Variants in GRIP1 observed in about 807,000 individuals in gnomAD.
GRIP1 encodes glutamate receptor interacting protein 1.
Under a neutral mutation model 129.9 loss-of-function variants are expected in GRIP1, and 45 were observed. The observed-to-expected ratio is 0.35, with a 90% CI of 0.27 to 0.44. The LOEUF is 0.44. Among genes scored for constraint, GRIP1 ranks in the 20% least tolerant of loss-of-function variants. The pLI is 1.00. For synonymous variants in GRIP1, 530 were observed against 520.8 expected, an observed-to-expected ratio of 1.02 and a Z score of -0.24; for missense variants, 1,196 against 1,396.8, an observed-to-expected ratio of 0.86 and a Z score of 2.29.
In GRIP1 at chr12:66,616,610, C is replaced by T. The variant is rs527395492; in HGVS notation, c.56-19683G>A. ...TTTTTTACCTCCATCCAGCTGCAAG[C>T]AAGCAGTGTGGGGAGAGGATGGTGG... On this transcript the variant is annotated intron_variant, in intron 1 of 24. Coordinates refer to ENST00000359742, the MANE Select transcript of GRIP1 (RefSeq NM_001366722.1). 6.8e-4 allele frequency among the ~76,000 whole-genome samples: 104 copies of T among 152,026 alleles called. 1 individual carries two copies. The highest frequency in any genetic ancestry group is 1.2e-3 in the South Asian group (6 of 4,808).
intron 1 of GRIP1, among the ~76,000 whole-genome samples, chr12:67,020,607 G>A (rs1305698129): frequency 6.6e-6 from 1 of 152,014 alleles, no homozygotes; most frequent in Non-Finnish European, 1.5e-5. Context: ...ATCTCTCTAA[G>A]TTGCCTAGGC....
At chr12:66,611,468 C>T (rs1166920864) in intron 1 of GRIP1, among the ~76,000 whole-genome samples, 1 of 152,120 alleles carries the variant, frequency 6.6e-6, no homozygotes, top group Non-Finnish European at 1.5e-5. Context: ...TTCCCATTGC[C>T]TTTACCTTTA....
At chr12:66,600,900 G>C (rs1387382399) in intron 1 of GRIP1, among the ~76,000 whole-genome samples, 3 of 152,138 alleles carry the variant, frequency 2.0e-5, no homozygotes, top group Non-Finnish European at 4.4e-5. Flanking sequence ...GGCATCTCAG[G>C]GTATCAGCAC....
intron 1 of GRIP1, among the ~76,000 whole-genome samples, chr12:66,766,229 A>G (rs1003635825): frequency 1.4e-4 from 21 of 152,204 alleles, no homozygotes; most frequent in African/African-American, 4.8e-4. Flanking sequence ...CTTGAATTTC[A>G]TATATCGACC....
At chr12:66,481,471 G>A (rs889616113) in intron 7 of GRIP1, among the ~76,000 whole-genome samples, 1 of 152,200 alleles carries the variant, frequency 6.6e-6, no homozygotes, top group Non-Finnish European at 1.5e-5. Flanking sequence ...AGGATGTGGA[G>A]AAACAGAGAT....
rs543206586 is a variant in GRIP1 at position 66,505,800 on chromosome 12, A to G, written c.724+9819T>C. On this transcript the variant is annotated intron_variant, in intron 7 of 24. Coordinates refer to ENST00000359742, the MANE Select transcript of GRIP1 (RefSeq NM_001366722.1). ...TAGCCAGGATGAGTTTGTAACACATAACTGAAAAAAGGCTTGTATACACAA... is the reference window on the plus strand; with the variant it reads ...TAGCCAGGATGAGTTTGTAACACATGACTGAAAAAAGGCTTGTATACACAA... Among the ~76,000 whole-genome samples the G allele has an allele frequency of 2.0e-5, 3 of 152,356 alleles. No individual in the cohort carries two copies. In the South Asian group the frequency reaches 6.2e-4, roughly 32 times the overall value.
chr12:66,596,894 G>C lies in GRIP1; in HGVS notation c.89C>G (p.Thr30Arg), dbSNP rs2064073173. ...ESPYTKSASQ[T>R]KPPDGALAVR... ...AGCCAACGCTCCATCAGGCGGCTTTGTCTGGCTGGCGGATTTAGTGTAGGG... is the reference window on the plus strand; with the variant it reads ...AGCCAACGCTCCATCAGGCGGCTTTCTCTGGCTGGCGGATTTAGTGTAGGG... Residue 30 changes from threonine to arginine, a missense_variant, in exon 2 of 25, where the codon ACA becomes AGA. By Grantham distance (71) the Thr-to-Arg change is moderately conservative (BLOSUM62 -1). Coordinates refer to ENST00000359742, the MANE Select transcript of GRIP1 (RefSeq NM_001366722.1). 1 of 1,613,702 alleles carries C rather than the reference G, an allele frequency of 6.2e-7. No homozygotes were observed. The highest frequency in any genetic ancestry group is 1.3e-5 in the African/African-American group (1 of 75,034).
intron 1 of GRIP1, among the ~76,000 whole-genome samples, chr12:66,795,660 T>A (rs2038674197): frequency 6.6e-6 from 1 of 152,204 alleles, no homozygotes; most frequent in Non-Finnish European, 1.5e-5. Context: ...TCCCTGTTTA[T>A]CTATTGATAG....
At chr12:66,977,200 C>CT (rs554293693) in intron 1 of GRIP1, among the ~76,000 whole-genome samples, 6,200 of 139,592 alleles carry the variant, frequency 0.044, 361 homozygotes, top group African/African-American at 0.14. Flanking sequence ...TTAGGTCAAA[C>CT]TTTTTTTTTT....
At chr12:66,475,686 A>G (rs1417259944) in intron 7 of GRIP1, among the ~76,000 whole-genome samples, 3 of 152,104 alleles carry the variant, frequency 2.0e-5, no homozygotes, top group Non-Finnish European at 4.4e-5. Flanking sequence ...ACTCAAAACC[A>G]CTCAACTACA....
At chr12:66,757,086 C>G (rs2037314812) in intron 1 of GRIP1, among the ~76,000 whole-genome samples, 2 of 152,132 alleles carry the variant, frequency 1.3e-5, no homozygotes, top group African/African-American at 2.4e-5. Context: ...TTTATCATTT[C>G]TTTATGTTAC....
chr12:66,679,955 C>T (rs1743490293), upstream of GRIP1, among the ~76,000 whole-genome samples: 1 of 152,130 alleles, frequency 6.6e-6, no homozygotes, highest in African/African-American at 2.4e-5. Context: ...GAGCACACCT[C>T]CTCATCTGCC....
chr12:66,519,365 A>G (rs1943660674), intron 5 of GRIP1, among the ~76,000 whole-genome samples: 1 of 152,234 alleles, frequency 6.6e-6, no homozygotes, highest in African/African-American at 2.4e-5. Flanking sequence ...ATGTTACCAC[A>G]AATGCTTGCC....
chr12:67,013,031 T>C (rs899428681), intron 1 of GRIP1, among the ~76,000 whole-genome samples: 31 of 152,216 alleles, frequency 2.0e-4, no homozygotes, highest in African/African-American at 7.0e-4. Flanking sequence ...ATTTTCAATC[T>C]GCATTTCACA....
intron 1 of GRIP1, among the ~76,000 whole-genome samples, chr12:67,000,735 TTC>T (rs775031933): frequency 1.3e-5 from 2 of 152,218 alleles, no homozygotes; most frequent in Non-Finnish European, 2.9e-5. Context: ...GTTACAATTC[TTC>T]TCTGTTTTCT....
chr12:66,769,145 G>A (rs985192778), intron 1 of GRIP1, among the ~76,000 whole-genome samples: 25 of 152,250 alleles, frequency 1.6e-4, no homozygotes, highest in African/African-American at 2.4e-4. Context: ...CAGGTGATGC[G>A]GATGCTGTGG....
At chr12:66,471,010 C>T (rs2059424512) in intron 7 of GRIP1, among the ~76,000 whole-genome samples, 1 of 152,170 alleles carries the variant, frequency 6.6e-6, no homozygotes, top group African/African-American at 2.4e-5. Context: ...TCATCATTGT[C>T]CTCCCTTCCT....
At chr12:66,416,603 A>AGGATCATTAGTG (rs2057612906) in intron 15 of GRIP1, among the ~76,000 whole-genome samples, 1 of 152,214 alleles carries the variant, frequency 6.6e-6, no homozygotes, top group Non-Finnish European at 1.5e-5. Context: ...AGAAATTCAA[A>AGGATCATTAGTG]GGATCATTAG....
chr12:66,584,797 C>T (rs978013900), intron 2 of GRIP1, among the ~76,000 whole-genome samples: 4 of 152,030 alleles, frequency 2.6e-5, no homozygotes, highest in African/African-American at 9.7e-5. Flanking sequence ...AGGTAATCCA[C>T]TCTCCCAGTC....
Sources: gnomAD v4.1 joint callset for allele counts (sites outside exome capture counted in the v4.1 genomes callset) on GRCh38, gnomAD v4.1.1 for gene constraint, MANE v1.5 for transcripts, NCBI Gene and HGNC (gene_info 2026-07-23, HGNC 2026-07-21) for gene names.